ZNF783: variants seen among roughly 807,000 people sequenced by gnomAD.
ZNF783 encodes zinc finger protein 783.
A neutral mutation model predicts 31.3 loss-of-function variants in ZNF783; 25 were observed. The observed-to-expected ratio is 0.80, with a 90% CI of 0.58 to 1.11. The LOEUF (loss-of-function observed/expected upper bound fraction) is 1.11. Ranked by LOEUF, ZNF783 falls within the 50% of genes most tolerant of loss-of-function variation. ZNF783 has a pLI of 0.00. For missense variants in ZNF783, 797 were observed against 760.0 expected, an observed-to-expected ratio of 1.05 and a Z score of -0.57; for synonymous variants, 369 against 319.1, an observed-to-expected ratio of 1.16 and a Z score of -1.66.
intron 5 of ZNF783, among the ~76,000 whole-genome samples, chr7:149,279,785 G>A (rs1219049758): frequency 1.3e-5 from 2 of 151,850 alleles, no homozygotes; most frequent in Admixed American, 6.6e-5. Context: ...AGGGTTGGGG[G>A]TAAGGTCACC....
chr7:149,271,692 C>T (rs1051481295), intron 4 of ZNF783, among the ~76,000 whole-genome samples: 6 of 152,218 alleles, frequency 3.9e-5, no homozygotes, highest in African/African-American at 1.4e-4. Flanking sequence ...AAGGAAGTCT[C>T]GTTTCCATCC....
At chr7:149,281,336 A>G (rs1045594927) in intron 5 of ZNF783, among the ~76,000 whole-genome samples, 169 bp from the exon 6 acceptor site, 12 of 152,338 alleles carry the variant, frequency 7.9e-5, no homozygotes, top group African/African-American at 1.2e-4. Context: ...GTGACCGTGC[A>G]AGGCAGTGCC....
intron 4 of ZNF783, 199 bp from the exon 5 acceptor site, chr7:149,278,200 A>G (rs1193361496): frequency 1.2e-5 from 16 of 1,376,528 alleles, no homozygotes; most frequent in South Asian, 9.5e-5. Context: ...CCTGTGCTGC[A>G]GTTTCCTTCT....
At chr7:149,275,363 A>G (rs1167577611) in intron 4 of ZNF783, among the ~76,000 whole-genome samples, 1 of 148,546 alleles carries the variant, frequency 6.7e-6, no homozygotes, top group Non-Finnish European at 1.5e-5. Context: ...CCTAGGCTGG[A>G]GTGCAGTGGC....
intron 4 of ZNF783, 59 bp from the exon 5 acceptor site, chr7:149,278,340 G>C: frequency 6.3e-7 from 1 of 1,591,398 alleles, no homozygotes; most frequent in Non-Finnish European, 8.5e-7. Context: ...GAGGGTCCCT[G>C]GTCATCTGGG....
chr7:149,265,807 G>T (rs568705403), intron 1 of ZNF783, among the ~76,000 whole-genome samples: 1 of 152,170 alleles, frequency 6.6e-6, no homozygotes, highest in Non-Finnish European at 1.5e-5. Context: ...CAGTGCTATT[G>T]TATAGGTACT....
chr7:149,281,626 G>A lies in ZNF783; in HGVS notation c.924G>A (p.Arg308=). ...ECRIPRGPRN[R]PGGPSRHQAQ... ...GAATCCCCCGAGGGCCCAGGAACAGGCCTGGGGGCCCCAGCCGTCATCAGG... is the reference window on the plus strand; with the variant it reads ...GAATCCCCCGAGGGCCCAGGAACAGACCTGGGGGCCCCAGCCGTCATCAGG... Residue 308 remains arginine (R), a synonymous_variant, in exon 6 of 6, where the codon AGG becomes AGA. Transcript: ENST00000434415. The A allele has an allele frequency of 1.3e-6, 2 of 1,547,816 alleles. No individual in the cohort carries two copies. The highest frequency in any genetic ancestry group is 1.7e-6 in the Non-Finnish European group (2 of 1,158,930).
rs758475845 is a variant in ZNF783, at chr7:149,266,689, A to G, written c.379A>G (p.Ile127Val). 5.0e-6 allele frequency: 8 copies of G among 1,613,990 alleles called. No homozygotes were observed. Among genetic ancestry groups the G allele is most frequent in the Non-Finnish European group, 5.1e-6 (6 of 1,179,984 alleles). The change falls in exon 2 of 6, where the codon ATC (isoleucine) becomes GTC (valine). Residue 127 changes from isoleucine (I) to valine (V), a missense_variant. Transcript: ENST00000434415. Reference sequence around the variant, plus strand: ...CTTGCTGCGCAACAGGAACTTCTGGATCTTGCGGCTGCCCCCGGGCAGCAA... The same window carrying G: ...CTTGCTGCGCAACAGGAACTTCTGGGTCTTGCGGCTGCCCCCGGGCAGCAA... ...ENLLRNRNFW[I>V]LRLPPGSKGE...
Position 149,281,778 on chromosome 7 carries a change from G to T in ZNF783, c.1076G>T (p.Arg359Leu). ...TGCCCCGACTGCGGGCAGAGCTTCC[G>T]CCTGAAGATCAATCTGACGATTCAT... The part of the protein sequence containing the change: ...FPCPDCGQSF[R>L]LKINLTIHQR... The change falls in exon 6 of 6, where the codon CGC (arginine) becomes CTC (leucine). Residue 359 changes from arginine to leucine, a missense_variant. Coordinates refer to ENST00000434415, the MANE Select transcript of ZNF783 (RefSeq NM_001195220.2). The T allele has an allele frequency of 1.3e-6, 2 of 1,511,168 alleles. No homozygotes were observed. The highest frequency in any genetic ancestry group is 2.4e-5 in the East Asian group (1 of 42,136). The allele number at this position is 1,511,168 out of a possible 1,614,324, so 93.6% of individuals were successfully genotyped here.
At chr7:149,280,645 T>C (rs995035069) in intron 5 of ZNF783, among the ~76,000 whole-genome samples, 6 of 152,200 alleles carry the variant, frequency 3.9e-5, no homozygotes, top group African/African-American at 1.4e-4. Context: ...ATGGAAAAGC[T>C]GTTCACGTGG....
chr7:149,263,649 A>C (rs552521777), intron 1 of ZNF783, among the ~76,000 whole-genome samples: 1 of 152,226 alleles, frequency 6.6e-6, no homozygotes, highest in South Asian at 2.1e-4. Flanking sequence ...CCAGTTTAGC[A>C]GATTTTAGAA....
chr7:149,281,556 C>T lies in ZNF783; in HGVS notation c.854C>T (p.Pro285Leu), dbSNP rs377453479. Residue 285 changes from proline (P) to leucine (L), a missense_variant, in exon 6 of 6, where the codon CCT (proline) becomes CTT (leucine). Physicochemically the swap from Pro to Leu is moderately conservative, Grantham distance 98. Transcript: ENST00000434415. ...TEAQSEDEMT[P>L]ERLFLGVSRG... ...GCACAGTCTGAAGACGAGATGACGC[C>T]TGAGCGGCTCTTTCTGGGGGTGTCC... 27 of 1,487,710 alleles carry T rather than the reference C, an allele frequency of 1.8e-5. No individual in the cohort carries two copies. In the African/African-American group the frequency reaches 3.5e-4, roughly 19 times the overall value. 92.2% of individuals were successfully genotyped at this position (1,487,710 alleles called of 1,614,324 possible). A position where few individuals can be genotyped will look rare whatever the true frequency, so the allele number is the denominator to read the frequency against.
Position 149,282,596 on chromosome 7 carries a change from C to T in ZNF783, c.*253C>T, listed in dbSNP as rs551008401. On this transcript the variant is annotated 3_prime_UTR_variant, in exon 6 of 6. Coordinates refer to ENST00000434415, the MANE Select transcript of ZNF783 (RefSeq NM_001195220.2). ...AGGGATGCCATATTTTTGATAAGGC[C>T]TCTGGTAGGTACCACAGCCAAGAGG... The T allele has an allele frequency of 6.5e-6, 3 of 458,276 alleles. No individual in the cohort carries two copies. In the East Asian group the frequency reaches 1.1e-4, roughly 17 times the overall value. The allele number at this position is 458,276 out of a possible 1,614,324, so 28.4% of individuals were successfully genotyped here.
In ZNF783 at chr7:149,266,865, A is replaced by G. The variant is rs1386338957; in HGVS notation, c.467A>G (p.Glu156Gly). 6.2e-7 allele frequency: 1 copy of G among 1,613,862 alleles called. No individual in the cohort carries two copies. Among genetic ancestry groups the G allele is most frequent in the Non-Finnish European group, 8.5e-7 (1 of 1,179,974 alleles). ...GTGGCCGTGTATTTCTCTGAGCTGG[A>G]GTGGGGCAAGCTGGAGGACTGGCAG... ...DDVAVYFSEL[E>G]WGKLEDWQKE... The change falls in exon 3 of 6, where the codon GAG (glutamate) becomes GGG (glycine). Residue 156 changes from glutamate to glycine, a missense_variant. Coordinates refer to ENST00000434415, the MANE Select transcript of ZNF783 (RefSeq NM_001195220.2).
At position 149,281,864 on chromosome 7, in the gene ZNF783, G is replaced by T; in HGVS notation, c.1162G>T (p.Gly388Trp). The part of the protein sequence containing the change: ...EAPGRSPTSC[G>W]DSQAMLEPGE... The stretch of plus-strand genomic sequence containing the variant: ...CCCCGGCCGCTCGCCCACCAGCTGC[G>T]GGGACAGCCAGGCCATGCTGGAGCC... The change falls in exon 6 of 6, where the codon GGG (glycine) becomes TGG (tryptophan). Residue 388 changes from glycine (G) to tryptophan (W), a missense_variant. By Grantham distance (184) the Gly-to-Trp change is radical. Coordinates refer to ENST00000434415, the MANE Select transcript of ZNF783 (RefSeq NM_001195220.2). 1 of 1,499,686 alleles carries T rather than the reference G, an allele frequency of 6.7e-7. No homozygotes were observed. Among genetic ancestry groups the T allele is most frequent in the East Asian group, 2.4e-5 (1 of 42,486 alleles). 92.9% of individuals were successfully genotyped at this position (1,499,686 alleles called of 1,614,324 possible).
rs533716794 is a variant in ZNF783, at chr7:149,279,557, A to G, written c.802+1030A>G. 2.3e-3 allele frequency among the ~76,000 whole-genome samples: 353 copies of G among 150,958 alleles called. 2 individuals carry two copies. The highest frequency in any genetic ancestry group is 4.6e-3 in the Admixed American group (70 of 15,216). On this transcript the variant is annotated intron_variant, in intron 5 of 5. Transcript: ENST00000434415. Reference sequence around the variant, plus strand: ...TGCACGCTGCAAGCCGCGGGTGTCCAGCAGCCGGTGTTGGGAGAGGCCCTC... The same window carrying G: ...TGCACGCTGCAAGCCGCGGGTGTCCGGCAGCCGGTGTTGGGAGAGGCCCTC...
chr7:149,282,016 C>T lies in ZNF783; in HGVS notation c.1314C>T (p.Cys438=), dbSNP rs1382366545. 1.0e-5 allele frequency: 16 copies of T among 1,584,588 alleles called. No individual in the cohort carries two copies. The highest frequency in any genetic ancestry group is 1.2e-5 in the Non-Finnish European group (14 of 1,173,696). The stretch of plus-strand genomic sequence containing the variant: ...CTGCAGCCAGCAAGATGTACCACTG[C>T]AGCGAGTGCCTGCGCTTCTTCCAGC... The part of the protein sequence containing the change: ...RRPAASKMYH[C]SECLRFFQQR... The change falls in exon 6 of 6, where the codon TGC becomes TGT. Residue 438 remains cysteine, a synonymous_variant. Transcript: ENST00000434415.
intron 5 of ZNF783, among the ~76,000 whole-genome samples, chr7:149,279,654 T>C (rs6464948): frequency 7.8e-6 from 1 of 128,336 alleles, no homozygotes; most frequent in Admixed American, 8.3e-5. Context: ...TTTTTTTTTT[T>C]AATTTTTTTT....
intron 4 of ZNF783, among the ~76,000 whole-genome samples, chr7:149,273,210 A>G (rs903862688): frequency 3.3e-5 from 5 of 152,222 alleles, no homozygotes; most frequent in African/African-American, 7.2e-5. Context: ...TGCAGTAAAC[A>G]TGGGAGTGCA....
Sources: allele counts gnomAD v4.1 joint callset (sites outside exome capture counted in the v4.1 genomes callset), GRCh38; gene constraint gnomAD v4.1.1; transcripts MANE v1.5; gene names NCBI Gene and HGNC (gene_info 2026-07-23, HGNC 2026-07-21).